Variants in ZC3H11A observed in about 807,000 individuals in gnomAD.
ZC3H11A encodes the protein zinc finger CCCH domain-containing protein 11A.
In ZC3H11A, 22 loss-of-function variants were observed where a neutral mutation model predicts 90.8. The observed-to-expected ratio is 0.24, with a 90% CI of 0.17 to 0.35. The LOEUF (loss-of-function observed/expected upper bound fraction) is 0.35. ZC3H11A is among the 10% of genes least tolerant of loss of function. The probability of loss-of-function intolerance (pLI) is 1.00; values close to 1 mark genes in which losing one functional copy is unlikely to be tolerated. For synonymous variants in ZC3H11A, 294 were observed against 339.8 expected (o/e 0.87, Z 1.48); for missense variants, 701 against 964.9 (o/e 0.73, Z 3.62).
At position 203,802,094 on chromosome 1, in the gene ZC3H11A, A is replaced by G. The variant is rs1670694519; in HGVS notation, c.-1068A>G. The G allele has an allele frequency of 1.3e-5, 2 of 152,606 alleles. No individual in the cohort carries two copies. The highest frequency in any genetic ancestry group is 1.3e-4 in the Admixed American group (2 of 15,280). 9.5% of individuals were successfully genotyped at this position (152,606 alleles called of 1,614,324 possible). Reference sequence around the variant, plus strand: ...TGTGTTTTGACAGTGCCAGTTTAGAATGGCTATAATGCTGCTCTGCCTTCT... The same window carrying G: ...TGTGTTTTGACAGTGCCAGTTTAGAGTGGCTATAATGCTGCTCTGCCTTCT... On this transcript the variant is annotated 5_prime_UTR_variant, in exon 2 of 18. It removes an upstream start codon present in the reference 5' UTR. Coordinates refer to ENST00000367210, the MANE Select transcript of ZC3H11A (RefSeq NM_001376342.1).
chr1:203,851,001 A>T (rs1689112985), intron 16 of ZC3H11A, 56 bp from the exon 17 acceptor site: 11 of 1,577,938 alleles, frequency 7.0e-6, no homozygotes, highest in Non-Finnish European at 9.5e-6. Context: ...GAAAATGAAT[A>T]TGCTCAAATT....
At chr1:203,824,877 C>A (rs1446576122) in intron 4 of ZC3H11A, among the ~76,000 whole-genome samples, 1 of 151,870 alleles carries the variant, frequency 6.6e-6, no homozygotes, top group African/African-American at 2.4e-5. Flanking sequence ...GAGTTTGAGA[C>A]CAGCCTGGAC....
At chr1:203,829,214 C>A in intron 5 of ZC3H11A, 1 of 559,640 alleles carries the variant, frequency 1.8e-6, no homozygotes, top group South Asian at 2.2e-5. Context: ...TTCTAGTCTT[C>A]TGTTGATTCT....
chr1:203,820,141 A>G (rs1374399426), intron 4 of ZC3H11A, among the ~76,000 whole-genome samples: 3 of 151,696 alleles, frequency 2.0e-5, no homozygotes, highest in Non-Finnish European at 2.9e-5. Flanking sequence ...AGGCTGAAGC[A>G]GGAGAATCGC....
chr1:203,839,097 G>A (rs910574589), intron 11 of ZC3H11A, among the ~76,000 whole-genome samples: 4 of 152,262 alleles, frequency 2.6e-5, no homozygotes, highest in Admixed American at 1.3e-4. Flanking sequence ...GAGATGAGTT[G>A]GCAGGCTGTT....
intron 10 of ZC3H11A, chr1:203,834,132 A>G: frequency 9.3e-7 from 1 of 1,076,894 alleles, no homozygotes; most frequent in African/African-American, 1.6e-5. Context: ...CTCTGAACAA[A>G]TTTAAATGTG....
chr1:203,851,215 A>G lies in ZC3H11A; in HGVS notation c.2174+91A>G, dbSNP rs1356435559. 1.6e-5 allele frequency: 19 copies of G among 1,152,584 alleles called. No individual in the cohort carries two copies. The South Asian group carries it at 2.8e-4, about 17-fold the overall frequency. The allele number at this position is 1,152,584 out of a possible 1,614,324, so 71.4% of individuals were successfully genotyped here. ...ATAACACTGATAAATAACTTTAGCAACATTCAAATAAATCTGTTGCACTTC... is the reference window on the plus strand; with the variant it reads ...ATAACACTGATAAATAACTTTAGCAGCATTCAAATAAATCTGTTGCACTTC... On this transcript the variant is annotated intron_variant, in intron 17 of 17. Transcript: ENST00000367210.
At position 203,844,748 on chromosome 1, in the gene ZC3H11A, A is replaced by G. The variant is rs1369235440; in HGVS notation, c.1043-2436A>G. Among the ~76,000 whole-genome samples, 3 of 152,240 alleles carry G rather than the reference A, an allele frequency of 2.0e-5. No individual in the cohort carries two copies. The East Asian group carries it at 5.8e-4, about 29-fold the overall frequency. Reference sequence around the variant, plus strand: ...CTGAAGATGGGAGGTCTGGGGGCTCATACAATTGCCACAGTAAGACTTTAT... The same window carrying G: ...CTGAAGATGGGAGGTCTGGGGGCTCGTACAATTGCCACAGTAAGACTTTAT... On this transcript the variant is annotated intron_variant, in intron 12 of 17. Transcript: ENST00000367210.
chr1:203,807,176 T>C (rs552175959), intron 2 of ZC3H11A, among the ~76,000 whole-genome samples: 87 of 152,248 alleles, frequency 5.7e-4, no homozygotes, highest in African/African-American at 1.9e-3. Context: ...TTCCTGACCA[T>C]GTTACTATTT....
At chr1:203,830,925 ATTTTTTTTTTTTTTTTTTTT>A (rs774771270) in intron 8 of ZC3H11A, among the ~76,000 whole-genome samples, 13 of 51,384 alleles carry the variant, frequency 2.5e-4, no homozygotes, top group South Asian at 8.7e-4. Context: ...CCAACCCCCA[ATTTTTTTTTTTTTTTTTTTT>A]TTTTTTTTTT....
At position 203,847,471 on chromosome 1, in the gene ZC3H11A, G is replaced by A. The variant is rs1688201904; in HGVS notation, c.1330G>A (p.Val444Ile). ...LKIDSEIKKT[V>I]VLPPIVASRG... Reference sequence around the variant, plus strand: ...GATTGATAGTGAAATTAAAAAAACAGTAGTTTTGCCACCCATTGTTGCCAG... The same window carrying A: ...GATTGATAGTGAAATTAAAAAAACAATAGTTTTGCCACCCATTGTTGCCAG... The change falls in exon 13 of 18, where the codon GTA becomes ATA. Residue 444 changes from valine to isoleucine, a missense_variant. Val to Ile is a conservative substitution (Grantham distance 29). Coordinates refer to ENST00000367210, the MANE Select transcript of ZC3H11A (RefSeq NM_001376342.1). 1 of 1,613,820 alleles carries A rather than the reference G, an allele frequency of 6.2e-7. No individual in the cohort carries two copies. Among genetic ancestry groups the A allele is most frequent in the Admixed American group, 1.7e-5 (1 of 59,988 alleles).
chr1:203,807,794 T>C (rs548159013), intron 2 of ZC3H11A, among the ~76,000 whole-genome samples: 2 of 152,174 alleles, frequency 1.3e-5, no homozygotes, highest in Non-Finnish European at 2.9e-5. Context: ...CAGACCAGAG[T>C]GCAGTGGGGC....
At chr1:203,819,794 A>G (rs1359475962) in intron 4 of ZC3H11A, among the ~76,000 whole-genome samples, 1 of 150,328 alleles carries the variant, frequency 6.7e-6, no homozygotes, top group Non-Finnish European at 1.5e-5. Flanking sequence ...TCGGCCTCCC[A>G]AAGTGCTGGG....
intron 2 of ZC3H11A, among the ~76,000 whole-genome samples, chr1:203,804,706 C>G (rs1488942584): frequency 7.3e-6 from 1 of 136,182 alleles, no homozygotes; most frequent in African/African-American, 2.8e-5. Flanking sequence ...GAGTATTGCT[C>G]TCGTTGCCTA....
intron 1 of ZC3H11A, chr1:203,800,458 C>G: frequency 6.8e-7 from 1 of 1,480,700 alleles, no homozygotes; most frequent in East Asian, 2.5e-5. Flanking sequence ...GAAATACTGC[C>G]TTAATTTCTT....
intron 1 of ZC3H11A, chr1:203,796,506 C>T: frequency 2.5e-6 from 1 of 398,984 alleles, no homozygotes; most frequent in Non-Finnish European, 4.4e-6. Context: ...GGTGCGGATT[C>T]CTATGGGGAA....
chr1:203,797,413 C>T, intron 1 of ZC3H11A: 1 of 1,085,768 alleles, frequency 9.2e-7, no homozygotes, highest in South Asian at 1.9e-5. Flanking sequence ...ATTTGATTCC[C>T]CATAGAAACT....
intron 12 of ZC3H11A, 36 bp from the exon 13 acceptor site, chr1:203,847,148 C>G (rs1215122024): frequency 6.2e-7 from 1 of 1,605,702 alleles, no homozygotes; most frequent in Admixed American, 1.7e-5. Context: ...AGATGAACTT[C>G]AAGTATAATG....
At chr1:203,799,099 G>C in intron 1 of ZC3H11A, 1 of 1,535,766 alleles carries the variant, frequency 6.5e-7, no homozygotes, top group South Asian at 1.2e-5. Context: ...GCAGTGCTTT[G>C]TGTTACAGGT....
Sources: allele counts gnomAD v4.1 joint callset (sites outside exome capture counted in the v4.1 genomes callset), GRCh38; gene constraint gnomAD v4.1.1; transcripts MANE v1.5; gene names NCBI Gene and HGNC (gene_info 2026-07-23, HGNC 2026-07-21).